The following RIN2 variants were observed in gnomAD, a reference collection of about 807,000 sequenced individuals.
RIN2 encodes the protein Ras and Rab interactor 2.
Under a neutral mutation model 78.0 loss-of-function variants are expected in RIN2, and 36 were observed. The ratio of observed to expected loss-of-function variants is 0.46; its 90% CI spans 0.35 to 0.61. The LOEUF is 0.61. Among genes scored for constraint, RIN2 ranks in the 20% least tolerant of loss-of-function variants. The pLI, the probability that RIN2 is intolerant of heterozygous loss-of-function variation, is 0.00. For missense variants in RIN2, 1,087 were observed against 1,159.7 expected (o/e 0.94, Z 0.91); for synonymous variants, 466 against 466.8 (o/e 1.00, Z 0.02).
At chr20:19,933,760 C>T (rs1479124506) in intron 3 of RIN2, among the ~76,000 whole-genome samples, 2 of 152,136 alleles carry the variant, frequency 1.3e-5, no homozygotes, top group Non-Finnish European at 2.9e-5. Context: ...GAGAACAGTG[C>T]TCAAATTTCT....
chr20:19,908,461 G>C (rs390014), intron 3 of RIN2, among the ~76,000 whole-genome samples: 3 of 149,750 alleles, frequency 2.0e-5, no homozygotes, highest in African/African-American at 7.4e-5. Context: ...ACTGCACTCC[G>C]GCCTGGGCCA....
chr20:19,927,700 C>A (rs1007618576), intron 3 of RIN2, among the ~76,000 whole-genome samples: 2 of 151,936 alleles, frequency 1.3e-5, no homozygotes, highest in Non-Finnish European at 2.9e-5. Context: ...CAAGCGTGAG[C>A]CACCACGCCC....
intron 1 of RIN2, among the ~76,000 whole-genome samples, chr20:19,760,413 G>A (rs1353750579): frequency 6.6e-6 from 1 of 152,166 alleles, no homozygotes; most frequent in Non-Finnish European, 1.5e-5. Flanking sequence ...TTGACCTCTA[G>A]TGTAGGGCAG....
chr20:19,939,006 T>G (rs1290241823), intron 4 of RIN2, among the ~76,000 whole-genome samples: 1 of 152,164 alleles, frequency 6.6e-6, no homozygotes, highest in African/African-American at 2.4e-5. Context: ...CTGTCATAAC[T>G]GCCCTCCTCC....
rs76344786 is a variant in RIN2 at position 19,897,372 on chromosome 20, G to A, written c.57+7714G>A. Reference sequence around the variant, plus strand: ...GATCTTCCTGCCTCAGCCTCCTAAAGTTCTGGGATTACAGGTGAGTGTCAC... The same window carrying A: ...GATCTTCCTGCCTCAGCCTCCTAAAATTCTGGGATTACAGGTGAGTGTCAC... On this transcript the variant is annotated intron_variant, in intron 3 of 12. Transcript: ENST00000255006. 9.4e-4 allele frequency among the ~76,000 whole-genome samples: 143 copies of A among 152,224 alleles called. No homozygotes were observed. The East Asian group carries it at 0.013, about 14-fold the overall frequency.
intron 2 of RIN2, among the ~76,000 whole-genome samples, chr20:19,822,405 G>A (rs1267585716): frequency 6.6e-6 from 1 of 152,176 alleles, no homozygotes; most frequent in African/African-American, 2.4e-5. Context: ...AGAATAGATG[G>A]AAGAGCCCAT....
chr20:19,896,792 T>G (rs76592752), intron 3 of RIN2, among the ~76,000 whole-genome samples: 1,891 of 152,290 alleles, frequency 0.012, 48 homozygotes, highest in African/African-American at 0.042. Context: ...TAGAAAACAA[T>G]GTAAGCCACA....
At chr20:19,913,836 C>T (rs1377071389) in intron 3 of RIN2, among the ~76,000 whole-genome samples, 3 of 152,182 alleles carry the variant, frequency 2.0e-5, no homozygotes, top group East Asian at 3.8e-4. Context: ...CATCCATCAG[C>T]GGACACTGGG....
intron 1 of RIN2, among the ~76,000 whole-genome samples, chr20:19,769,236 G>C (rs947901618): frequency 1.3e-5 from 2 of 152,136 alleles, no homozygotes; most frequent in African/African-American, 4.8e-5. Context: ...TGCCGTGCCC[G>C]GCCAGCTTTC....
At chr20:19,788,435 A>AAAAAAAACAAAAACAAAAAC (rs1285743119) in intron 1 of RIN2, among the ~76,000 whole-genome samples, 2,714 of 137,832 alleles carry the variant, frequency 0.02, 68 homozygotes, top group African/African-American at 0.033. Flanking sequence ...TCTCTGCCAA[A>AAAAAAAACAAAAACAAAAAC]AAAAAAAAAA....
intron 6 of RIN2, among the ~76,000 whole-genome samples, chr20:19,962,991 C>T (rs931880369): frequency 6.6e-6 from 1 of 152,282 alleles, no homozygotes; most frequent in African/African-American, 2.4e-5. Context: ...TTTGTCATAA[C>T]TTACAGACAG....
chr20:19,827,111 G>T (rs1029861153), intron 2 of RIN2, among the ~76,000 whole-genome samples: 1 of 151,818 alleles, frequency 6.6e-6, no homozygotes, highest in Non-Finnish European at 1.5e-5. Flanking sequence ...GAGTAGCTGG[G>T]ATTACAGGCA....
In RIN2 at chr20:19,862,621, C is replaced by T. The variant is rs545369740; in HGVS notation, c.-36-26945C>T. The stretch of plus-strand genomic sequence containing the variant: ...ACAAACAAACAAACAAACAAACAAA[C>T]AAGCAAAAACAGAGTTGAACTCAAT... On this transcript the variant is annotated intron_variant, in intron 2 of 12. Transcript: ENST00000255006. 8.7e-5 allele frequency among the ~76,000 whole-genome samples: 13 copies of T among 149,544 alleles called. No homozygotes were observed. The East Asian group carries it at 1.7e-3, about 20-fold the overall frequency.
intron 1 of RIN2, among the ~76,000 whole-genome samples, chr20:19,794,344 T>C (rs1272731767): frequency 6.6e-6 from 1 of 151,794 alleles, no homozygotes; most frequent in African/African-American, 2.4e-5. Flanking sequence ...TCACCTGAGG[T>C]CAAGAGTTCG....
At chr20:19,995,282 A>AAC (rs2042924882) in intron 11 of RIN2, among the ~76,000 whole-genome samples, 2 of 151,700 alleles carry the variant, frequency 1.3e-5, no homozygotes, top group South Asian at 4.2e-4. Context: ...AAAAAAACAA[A>AAC]ACACATTCAT....
chr20:19,758,550 G>A (rs1237283018), intron 1 of RIN2, among the ~76,000 whole-genome samples: 1 of 152,210 alleles, frequency 6.6e-6, no homozygotes, highest in African/African-American at 2.4e-5. Flanking sequence ...GGGACAAGGG[G>A]CAGAGTGACA....
intron 2 of RIN2, 145 bp downstream of exon 2, chr20:19,799,892 G>A (rs1401387124): frequency 2.0e-5 from 3 of 152,234 alleles, no homozygotes; most frequent in African/African-American, 7.2e-5. Context: ...AGAGCAACAG[G>A]GAGGATGTTT....
chr20:19,974,619 T>G, intron 8 of RIN2, 35 bp from the exon 9 acceptor site: 1 of 1,589,178 alleles, frequency 6.3e-7, no homozygotes, highest in Non-Finnish European at 8.6e-7. Flanking sequence ...GTGTACCGTA[T>G]TTACATTCTT....
intron 4 of RIN2, among the ~76,000 whole-genome samples, chr20:19,946,636 G>GGA (rs1442056520): frequency 1.3e-5 from 2 of 150,760 alleles, no homozygotes; most frequent in East Asian, 3.9e-4. Flanking sequence ...TCTGAACCTG[G>GGA]GAGACAGAGG....
Sources: gnomAD v4.1 joint callset for allele counts (sites outside exome capture counted in the v4.1 genomes callset) on GRCh38, gnomAD v4.1.1 for gene constraint, MANE v1.5 for transcripts, NCBI Gene and HGNC (gene_info 2026-07-23, HGNC 2026-07-21) for gene names.